Variants in NBEAL2 observed in about 807,000 individuals in gnomAD.
The protein encoded by NBEAL2 is neurobeachin like 2.
NBEAL2 carries 160 observed loss-of-function variants against 299.8 expected under a neutral mutation model. The ratio of observed to expected loss-of-function variants is 0.53; its 90% CI spans 0.47 to 0.61. The LOEUF (loss-of-function observed/expected upper bound fraction) is 0.61. NBEAL2 is among the 20% of genes least tolerant of loss of function. NBEAL2 has a pLI of 0.00. For missense variants in NBEAL2, 3,112 were observed against 3,649.0 expected (o/e 0.85, Z 3.79); for synonymous variants, 1,493 against 1,542.3 (o/e 0.97, Z 0.75).
In NBEAL2 at chr3:47,001,694, T is replaced by C. The variant is rs1273689110; in HGVS notation, c.4650T>C (p.Phe1550=). 9 of 1,612,898 alleles carry C rather than the reference T, an allele frequency of 5.6e-6. No homozygotes were observed. In the East Asian group the frequency reaches 1.8e-4, roughly 32 times the overall value. Residue 1550 remains phenylalanine (F), a synonymous_variant, in exon 30 of 54, where the codon TTT becomes TTC. Coordinates refer to ENST00000450053, the MANE Select transcript of NBEAL2 (RefSeq NM_015175.3). This position sits in a 1 kb window ranked among gnomAD's most constrained non-coding sequence, Gnocchi z 6.1. ...GAACCTGTTTTCTGTGGCAGCTCTT[T>C]GAAGGTGTATGCAGCCTACTTGATC... is the stretch of plus-strand genomic sequence containing the variant. ...GNQELWSEKL[F]EGVCSLLDRL... is the part of the protein sequence containing the mutation.
chr3:47,004,442 G>A lies in NBEAL2; in HGVS notation c.6198+49G>A. ...TGTGAAGTCGGGACCCTGAATCACG[G>A]GGCAGTGCTGGACAGCCCACCTGGC... On this transcript the variant is annotated intron_variant, in intron 37 of 53. Coordinates refer to ENST00000450053, the MANE Select transcript of NBEAL2 (RefSeq NM_015175.3). This position sits in a 1 kb window ranked among gnomAD's most constrained non-coding sequence, Gnocchi z 5.0. The A allele has an allele frequency of 6.3e-7, 1 of 1,599,954 alleles. No individual in the cohort carries two copies. Among genetic ancestry groups the A allele is most frequent in the Non-Finnish European group, 8.5e-7 (1 of 1,170,592 alleles).
intron 9 of NBEAL2, 66 bp downstream of exon 9, chr3:46,992,012 G>C: frequency 7.3e-7 from 1 of 1,364,978 alleles, no homozygotes; most frequent in South Asian, 1.2e-5. Flanking sequence ...ACGCATAGGT[G>C]CCAGGCTGCT....
chr3:46,999,283 A>G lies in NBEAL2; in HGVS notation c.3544-32A>G, dbSNP rs752972589. 8 of 1,580,926 alleles carry G rather than the reference A, an allele frequency of 5.1e-6. 1 individual carries two copies. The highest frequency in any genetic ancestry group is 4.5e-5 in the East Asian group (2 of 44,386). ...CCCCTCCTACAGTAACTCCTTCCAC[A>G]TGATGACAGTCCTCCGATGACCCCC... On this transcript the variant is annotated intron_variant, in intron 24 of 53. Coordinates refer to ENST00000450053, the MANE Select transcript of NBEAL2 (RefSeq NM_015175.3).
chr3:46,987,040 C>T (rs1053035285), intron 1 of NBEAL2, among the ~76,000 whole-genome samples: 1 of 152,232 alleles, frequency 6.6e-6, no homozygotes, highest in South Asian at 2.1e-4. Context: ...GTGGCCCTGG[C>T]ACCTCTCTGA....
In NBEAL2 at chr3:47,009,629, C is replaced by T. The variant is rs941488030; in HGVS notation, c.*309C>T. ...TCGCTGTTTCGTCAAAGCACGAGGG[C>T]CGCCTGTGGCCTTAATTCCTAACGG... On this transcript the variant is annotated 3_prime_UTR_variant, in exon 54 of 54. Coordinates refer to ENST00000450053, the MANE Select transcript of NBEAL2 (RefSeq NM_015175.3). 2.9e-5 allele frequency: 12 copies of T among 417,550 alleles called. No individual in the cohort carries two copies. Among genetic ancestry groups the T allele is most frequent in the African/African-American group, 1.7e-4 (8 of 47,278 alleles). The allele number at this position is 417,550 out of a possible 1,614,324, so 25.9% of individuals were successfully genotyped here. A position where few individuals can be genotyped will look rare whatever the true frequency, so the allele number is the denominator to read the frequency against.
Position 46,995,778 on chromosome 3 carries a change from G to A in NBEAL2, c.1963G>A (p.Ala655Thr). Residue 655 changes from alanine to threonine, a missense_variant, in exon 14 of 54, where the codon GCT becomes ACT. This residue lies in a region of NBEAL2 where 2,243 missense variants were observed against 2,538.1 expected (regional missense o/e 0.88). Transcript: ENST00000450053. Reference sequence around the variant, plus strand: ...CACGGCGGCCGGGACCCTGGTGGTGGCTGTGTGCACACGGAAGGAGTATTT... The same window carrying A: ...CACGGCGGCCGGGACCCTGGTGGTGACTGTGTGCACACGGAAGGAGTATTT... Reference protein sequence around the residue: ...FFTAAGTLVVAVCTRKEYLTM... With the variant: ...FFTAAGTLVVTVCTRKEYLTM... 6.2e-7 allele frequency: 1 copy of A among 1,613,790 alleles called. No individual in the cohort carries two copies. Among genetic ancestry groups the A allele is most frequent in the South Asian group, 1.1e-5 (1 of 91,092 alleles).
rs1468521611 is a variant in NBEAL2 at position 46,991,565 on chromosome 3, C to A, written c.802C>A (p.Pro268Thr). 1 of 1,603,922 alleles carries A rather than the reference C, an allele frequency of 6.2e-7. No homozygotes were observed. The highest frequency in any genetic ancestry group is 1.7e-5 in the Admixed American group (1 of 59,996). ...VHVLHASRAPPRGPELRALLE... is the reference protein window; with the variant it reads ...VHVLHASRAPTRGPELRALLE... ...TGTCTTGCATGCCAGCCGCGCACCT[C>A]CTCGTGGCCCAGAGCTTCGTGCCCT... is the stretch of plus-strand genomic sequence containing the variant. Residue 268 changes from proline to threonine, a missense_variant, in exon 8 of 54, where the codon CCT becomes ACT. Physicochemically the swap from Pro to Thr is conservative, Grantham distance 38. Around this residue, in one of 3 missense-constraint regions of NBEAL2, gnomAD observed 2,243 missense variants for 2,538.1 expected, o/e 0.88. Transcript: ENST00000450053. This position sits in a 1 kb window ranked among gnomAD's most constrained non-coding sequence, Gnocchi z 6.2.
intron 1 of NBEAL2, among the ~76,000 whole-genome samples, chr3:46,984,660 C>G (rs2035574598): frequency 6.6e-6 from 1 of 152,178 alleles, no homozygotes; most frequent in Non-Finnish European, 1.5e-5. Context: ...CACCCTGTCC[C>G]ACTTCTGCTT....
chr3:46,992,830 A>G (rs2036207716), intron 10 of NBEAL2, among the ~76,000 whole-genome samples: 1 of 152,098 alleles, frequency 6.6e-6, no homozygotes, highest in Non-Finnish European at 1.5e-5. Flanking sequence ...CACCTACCTC[A>G]TTTCTCAGAA....
rs765372125 is a variant in NBEAL2 at position 46,995,973 on chromosome 3, C to T, written c.2073C>T (p.Phe691=). The T allele has an allele frequency of 6.2e-7, 1 of 1,613,204 alleles. No homozygotes were observed. Among genetic ancestry groups the T allele is most frequent in the Non-Finnish European group, 8.5e-7 (1 of 1,179,728 alleles). The change falls in exon 15 of 54, where the codon TTC becomes TTT. Residue 691 remains phenylalanine (F), a synonymous_variant. Coordinates refer to ENST00000450053, the MANE Select transcript of NBEAL2 (RefSeq NM_015175.3). ...TCCATGTGCCTGGGCGCCGGCCCTT[C>T]AGCCAGAACCTGGTCCATGTCTACA... ...AIVHVPGRRP[F]SQNLVHVYKD...
Position 46,997,251 on chromosome 3 carries a change from T to C in NBEAL2, c.2650-8T>C. Reference sequence around the variant, plus strand: ...AGGTCCCCCTCACTGCCATCCTCCTTCCCCCAGGATGTGGTGAACTGCGTT... The same window carrying C: ...AGGTCCCCCTCACTGCCATCCTCCTCCCCCCAGGATGTGGTGAACTGCGTT... On this transcript the variant is annotated splice_polypyrimidine_tract_variant and splice_region_variant and intron_variant, in intron 18 of 53. Transcript: ENST00000450053. 2.5e-6 allele frequency: 4 copies of C among 1,612,116 alleles called. No homozygotes were observed. The highest frequency in any genetic ancestry group is 3.4e-6 in the Non-Finnish European group (4 of 1,179,600).
chr3:46,986,042 C>T (rs2035652415), intron 1 of NBEAL2, among the ~76,000 whole-genome samples: 1 of 152,178 alleles, frequency 6.6e-6, no homozygotes, highest in Admixed American at 6.5e-5. Context: ...TCAGAGTTGG[C>T]CTGAGGTCTT....
chr3:47,000,526 GT>G lies in NBEAL2; in HGVS notation c.4305+123del. ...TGTCTGACCAGGGTTGCAGCCACTG[GT>G]CAGGCCTATTGCTGTCCCCTCATAG... On this transcript the variant is annotated intron_variant, in intron 27 of 53. Coordinates refer to ENST00000450053, the MANE Select transcript of NBEAL2 (RefSeq NM_015175.3). The surrounding 1 kb of genome is among the most constrained non-coding windows in gnomAD (Gnocchi z 4.5). 7.8e-7 allele frequency: 1 copy of G among 1,287,302 alleles called. No individual in the cohort carries two copies. Among genetic ancestry groups the G allele is most frequent in the South Asian group, 1.5e-5 (1 of 66,870 alleles). 79.7% of individuals were successfully genotyped at this position (1,287,302 alleles called of 1,614,324 possible). A position where few individuals can be genotyped will look rare whatever the true frequency, so the allele number is the denominator to read the frequency against.
chr3:46,997,108 G>A (rs1310430843), intron 18 of NBEAL2, 62 bp downstream of exon 18: 37 of 1,561,148 alleles, frequency 2.4e-5, no homozygotes, highest in Admixed American at 5.2e-5. Flanking sequence ...ATGTGTGTTC[G>A]GAGTCAGCTG....
chr3:47,005,517 TC>T lies in NBEAL2; in HGVS notation c.6590del (p.Ser2197TrpfsTer16). ...TGACTGCTCCGACCGGCAGTTCCAC[TC>T]GGTGGCGGCAGCCTGGCAGGCACGC... ...RFDCSDRQFH[S>X]VAAAWQARLE... On this transcript the variant is annotated frameshift_variant, in exon 41 of 54. Coordinates refer to ENST00000450053, the MANE Select transcript of NBEAL2 (RefSeq NM_015175.3). LOFTEE classifies it high-confidence loss of function. 1 of 1,611,224 alleles carries T rather than the reference TC, an allele frequency of 6.2e-7. No homozygotes were observed. The highest frequency in any genetic ancestry group is 8.5e-7 in the Non-Finnish European group (1 of 1,179,138).
rs748760198 is a variant in NBEAL2 at position 47,005,738 on chromosome 3, G to C, written c.6692G>C (p.Gly2231Ala). 1.2e-6 allele frequency: 2 copies of C among 1,613,340 alleles called. No individual in the cohort carries two copies. The highest frequency in any genetic ancestry group is 2.2e-5 in the East Asian group (1 of 44,878). The change falls in exon 42 of 54, where the codon GGT becomes GCT. Residue 2231 changes from glycine (G) to alanine (A), a missense_variant and splice_region_variant. By Grantham distance (60) the Gly-to-Ala change is moderately conservative. This residue lies in a region of NBEAL2 where 521 missense variants were observed against 729.6 expected (regional missense o/e 0.71). Coordinates refer to ENST00000450053, the MANE Select transcript of NBEAL2 (RefSeq NM_015175.3). ...YFPDFLENQN[G>A]FDLGCLQLTN... ...CAGCTGACCCAGTCCTCTGTGCCAG[G>C]TTTTGACCTGGGCTGTCTCCAGCTG...
rs1575593770 is a variant in NBEAL2 at position 46,991,998 on chromosome 3, A to G, written c.1032+52A>G. The G allele has an allele frequency of 5.5e-6, 8 of 1,449,422 alleles. No individual in the cohort carries two copies. The South Asian group carries it at 7.3e-5, about 13-fold the overall frequency. 89.8% of individuals were successfully genotyped at this position (1,449,422 alleles called of 1,614,324 possible). A position where few individuals can be genotyped will look rare whatever the true frequency, so the allele number is the denominator to read the frequency against. Reference sequence around the variant, plus strand: ...GGGTCTGGAAGCCAGAGGCTAGGGGAGCCACGCATAGGTGCCAGGCTGCTG... The same window carrying G: ...GGGTCTGGAAGCCAGAGGCTAGGGGGGCCACGCATAGGTGCCAGGCTGCTG... On this transcript the variant is annotated intron_variant, in intron 9 of 53. Transcript: ENST00000450053. This position sits in a 1 kb window ranked among gnomAD's most constrained non-coding sequence, Gnocchi z 6.2.
intron 50 of NBEAL2, 46 bp downstream of exon 50, chr3:47,008,232 T>G (rs763241419): frequency 6.2e-7 from 1 of 1,612,694 alleles, no homozygotes; most frequent in Admixed American, 1.7e-5. Flanking sequence ...TCCTGGGCAA[T>G]CCCCCTGGAG....
Position 47,001,593 on chromosome 3 carries a change from C to T in NBEAL2, c.4645-96C>T. 1 of 1,577,606 alleles carries T rather than the reference C, an allele frequency of 6.3e-7. No individual in the cohort carries two copies. The highest frequency in any genetic ancestry group is 1.1e-5 in the South Asian group (1 of 88,302). The stretch of plus-strand genomic sequence containing the variant: ...GTGGACTTGCCTGTGTGCACAAACC[C>T]TACCTGGCCCCCAGCGCAAACTTTA... On this transcript the variant is annotated intron_variant, in intron 29 of 53. Transcript: ENST00000450053. The surrounding 1 kb of genome is among the most constrained non-coding windows in gnomAD (Gnocchi z 6.1).
Sources: allele counts gnomAD v4.1 joint callset (sites outside exome capture counted in the v4.1 genomes callset), GRCh38; gene constraint gnomAD v4.1.1; regional missense constraint gnomAD v4.1.1; non-coding constraint Gnocchi (gnomAD v3.1); transcripts MANE v1.5; gene names NCBI Gene and HGNC (gene_info 2026-07-23, HGNC 2026-07-21).